MFHAS1: variants seen among roughly 807,000 people sequenced by gnomAD.
MFHAS1 encodes the protein multifunctional ROCO family signaling regulator 1, also known as malignant fibrous histiocytoma-amplified sequence 1.
In MFHAS1, 50 loss-of-function variants were observed where a neutral mutation model predicts 70.4. That is an observed-to-expected ratio of 0.71 (90% confidence interval 0.57 to 0.90). The LOEUF is 0.90. Ranked by LOEUF, MFHAS1 falls within the 40% of genes least tolerant of loss-of-function variation. MFHAS1 has a pLI of 0.00. For synonymous variants in MFHAS1, 952 were observed against 620.0 expected (o/e 1.54, Z -7.96); for missense variants, 1,795 against 1,347.6 (o/e 1.33, Z -5.20).
chr8:8,886,969 A>G (rs957627873), intron 1 of MFHAS1, among the ~76,000 whole-genome samples: 1 of 152,202 alleles, frequency 6.6e-6, no homozygotes, highest in African/African-American at 2.4e-5. Flanking sequence ...TCTACTAAAA[A>G]TACAAAAATT....
intron 1 of MFHAS1, among the ~76,000 whole-genome samples, chr8:8,820,648 G>A (rs923002079): frequency 3.9e-5 from 6 of 152,068 alleles, no homozygotes; most frequent in African/African-American, 9.7e-5. Context: ...GAGGCTACAC[G>A]TCCATGTTCC....
At chr8:8,812,292 T>G (rs952366943) in intron 1 of MFHAS1, among the ~76,000 whole-genome samples, 2 of 152,138 alleles carry the variant, frequency 1.3e-5, no homozygotes, top group Admixed American at 6.6e-5. Flanking sequence ...AGGGGGAGAC[T>G]GAAGCCGGCG....
chr8:8,891,957 C>G lies in MFHAS1; in HGVS notation c.1102G>C (p.Gly368Arg). ...PDHFGQLSRV[G>R]LWKIKDNPLI... The stretch of plus-strand genomic sequence containing the variant: ...GGGTTGTCTTTGATCTTCCACAAAC[C>G]CACCCGGGAGAGCTGGCCAAAGTGG... The change falls in exon 1 of 3, where the codon GGT becomes CGT. Residue 368 changes from glycine to arginine, a missense_variant. Gly to Arg is a moderately radical substitution (Grantham distance 125). Coordinates refer to ENST00000276282, the MANE Select transcript of MFHAS1 (RefSeq NM_004225.3). This position sits in a 1 kb window ranked among gnomAD's most constrained non-coding sequence, Gnocchi z 5.4. The G allele has an allele frequency of 6.2e-7, 1 of 1,611,992 alleles. No individual in the cohort carries two copies. Among genetic ancestry groups the G allele is most frequent in the Non-Finnish European group, 8.5e-7 (1 of 1,179,006 alleles).
chr8:8,885,671 G>A (rs1585073085), intron 1 of MFHAS1, among the ~76,000 whole-genome samples: 1 of 152,322 alleles, frequency 6.6e-6, no homozygotes, highest in Middle Eastern at 3.4e-3. Context: ...GCTATGGGCA[G>A]CAAGTCTGCA....
chr8:8,808,668 T>G (rs945061258), intron 1 of MFHAS1, among the ~76,000 whole-genome samples: 1 of 152,200 alleles, frequency 6.6e-6, no homozygotes, highest in African/African-American at 2.4e-5. Flanking sequence ...CACCTCAAAC[T>G]GCAAAAGGTA....
intron 1 of MFHAS1, among the ~76,000 whole-genome samples, chr8:8,823,643 A>G (rs1807047029): frequency 6.6e-6 from 1 of 151,400 alleles, no homozygotes; most frequent in East Asian, 2.0e-4. Context: ...TAGGGCACAC[A>G]AACATGTCCT....
chr8:8,882,758 A>G lies in MFHAS1; in HGVS notation c.2998+7303T>C, dbSNP rs142793116. On this transcript the variant is annotated intron_variant, in intron 1 of 2. Transcript: ENST00000276282. ...GAGCAGCCTTGGAGAAGGCAGGCCA[A>G]ACAGGGGTTCCTAATCCCTCCCTGC... is the stretch of plus-strand genomic sequence containing the variant. 5.3e-4 allele frequency among the ~76,000 whole-genome samples: 81 copies of G among 152,348 alleles called. No individual in the cohort carries two copies. In the East Asian group the frequency reaches 0.012, roughly 23 times the overall value.
chr8:8,824,811 T>C (rs1807096483), intron 1 of MFHAS1, among the ~76,000 whole-genome samples: 1 of 152,128 alleles, frequency 6.6e-6, no homozygotes, highest in Non-Finnish European at 1.5e-5. Flanking sequence ...AGAGAACAGG[T>C]AAGCAAGTTG....
intron 1 of MFHAS1, among the ~76,000 whole-genome samples, chr8:8,852,513 C>A (rs938042297): frequency 3.8e-4 from 57 of 151,796 alleles, no homozygotes; most frequent in African/African-American, 1.4e-3. Flanking sequence ...ACACACACAC[C>A]CACAAGAGGG....
chr8:8,868,564 A>G (rs571769697), intron 1 of MFHAS1, among the ~76,000 whole-genome samples: 18 of 151,886 alleles, frequency 1.2e-4, no homozygotes, highest in Non-Finnish European at 2.4e-4. Flanking sequence ...GCTACTCCCA[A>G]CTACTCGGAT....
chr8:8,881,604 C>A (rs371486792), intron 1 of MFHAS1, among the ~76,000 whole-genome samples: 3 of 152,216 alleles, frequency 2.0e-5, no homozygotes, highest in African/African-American at 4.8e-5. Context: ...GAGGCTGAGG[C>A]GGGCGGATCA....
intron 1 of MFHAS1, among the ~76,000 whole-genome samples, chr8:8,837,457 C>A (rs1385266579): frequency 6.6e-6 from 1 of 152,138 alleles, no homozygotes; most frequent in African/African-American, 2.4e-5. Flanking sequence ...GTCTGGCCAA[C>A]ATGGTGAAAC....
chr8:8,884,151 A>C (rs563895127), intron 1 of MFHAS1, among the ~76,000 whole-genome samples: 2 of 152,204 alleles, frequency 1.3e-5, no homozygotes, highest in South Asian at 4.1e-4. Flanking sequence ...AGATGGACTT[A>C]AGAGTCTATT....
intron 1 of MFHAS1, among the ~76,000 whole-genome samples, chr8:8,826,247 A>AGTGTGTGTGTGTGTGT (rs112140342): frequency 2.0e-4 from 30 of 147,870 alleles, no homozygotes; most frequent in African/African-American, 4.2e-4. Context: ...AAACACAAAG[A>AGTGTGTGTGTGTGTGT]GTGTGTGTGT....
intron 1 of MFHAS1, among the ~76,000 whole-genome samples, chr8:8,826,709 G>A (rs1807177575): frequency 6.6e-6 from 1 of 152,166 alleles, no homozygotes; most frequent in African/African-American, 2.4e-5. Context: ...CTCCAGCCTG[G>A]GTGACAGAGT....
At chr8:8,819,457 T>G (rs976288871) in intron 1 of MFHAS1, among the ~76,000 whole-genome samples, 4 of 151,820 alleles carry the variant, frequency 2.6e-5, no homozygotes, top group African/African-American at 7.3e-5. Flanking sequence ...CACAAAAAAT[T>G]AGCCGGGCAT....
chr8:8,889,065 G>C (rs1232283211), intron 1 of MFHAS1, among the ~76,000 whole-genome samples: 1 of 143,532 alleles, frequency 7.0e-6, no homozygotes, highest in Non-Finnish European at 1.5e-5. Context: ...CAGACAACTA[G>C]TCCTGGAATT....
At chr8:8,864,712 T>G (rs1285316526) in intron 1 of MFHAS1, among the ~76,000 whole-genome samples, 1 of 152,198 alleles carries the variant, frequency 6.6e-6, no homozygotes, top group African/African-American at 2.4e-5. Flanking sequence ...TCCAGTTGCA[T>G]GCCAGGATAA....
At chr8:8,820,159 AATAAAT>A (rs1806900342) in intron 1 of MFHAS1, among the ~76,000 whole-genome samples, 1 of 152,226 alleles carries the variant, frequency 6.6e-6, no homozygotes, top group African/African-American at 2.4e-5. Flanking sequence ...TGAATAAGGA[AATAAAT>A]ATAAAGATGT....
Sources: allele counts gnomAD v4.1 joint callset (sites outside exome capture counted in the v4.1 genomes callset), GRCh38; gene constraint gnomAD v4.1.1; non-coding constraint Gnocchi (gnomAD v3.1); transcripts MANE v1.5; gene names NCBI Gene and HGNC (gene_info 2026-07-23, HGNC 2026-07-21).